The following ROBO1 variants were observed in gnomAD, a reference collection of about 807,000 sequenced individuals.
ROBO1 encodes roundabout guidance receptor 1, also known as roundabout homolog 1.
In ROBO1, 149 loss-of-function variants were observed where a neutral mutation model predicts 195.9. That is an observed-to-expected ratio of 0.76 (90% CI 0.67 to 0.87). ROBO1 has a LOEUF of 0.87. ROBO1 is among the 40% of genes least tolerant of loss of function. The pLI, the probability that ROBO1 is intolerant of heterozygous loss-of-function variation, is 0.00. For synonymous variants in ROBO1, 816 were observed against 733.2 expected (o/e 1.11, Z -1.82); for missense variants, 1,933 against 2,068.3 (o/e 0.93, Z 1.27).
intron 3 of ROBO1, among the ~76,000 whole-genome samples, chr3:79,090,025 C>A (rs2079448134): frequency 6.6e-6 from 1 of 151,666 alleles, no homozygotes. Flanking sequence ...CTGCAACCTC[C>A]ATCTCCCAGG....
chr3:79,040,706 C>G (rs537909853), intron 3 of ROBO1, among the ~76,000 whole-genome samples: 5 of 152,182 alleles, frequency 3.3e-5, no homozygotes, highest in African/African-American at 1.2e-4. Flanking sequence ...CACAAAACAC[C>G]CTAAAACTAC....
chr3:79,111,934 A>G (rs1332828110), intron 3 of ROBO1, among the ~76,000 whole-genome samples: 1 of 152,178 alleles, frequency 6.6e-6, no homozygotes, highest in Non-Finnish European at 1.5e-5. Flanking sequence ...CAAGCACTTG[A>G]CATGTGGCTA....
At chr3:79,151,799 C>T (rs866874735) in intron 2 of ROBO1, among the ~76,000 whole-genome samples, 12 of 151,852 alleles carry the variant, frequency 7.9e-5, no homozygotes, top group South Asian at 2.1e-4. Context: ...CTGCAAATAG[C>T]ATTCTCTTTT....
chr3:78,636,464 T>C (rs946884336), intron 22 of ROBO1, among the ~76,000 whole-genome samples: 6 of 152,132 alleles, frequency 3.9e-5, no homozygotes, highest in Non-Finnish European at 5.9e-5. Flanking sequence ...CTTTTTATTT[T>C]CTAGTCTTTG....
At chr3:78,666,040 T>G (rs990976431) in intron 14 of ROBO1, among the ~76,000 whole-genome samples, 1 of 152,098 alleles carries the variant, frequency 6.6e-6, no homozygotes, top group Non-Finnish European at 1.5e-5. Flanking sequence ...GCTGCTGTTC[T>G]CGTGATAGTG....
intron 2 of ROBO1, among the ~76,000 whole-genome samples, chr3:79,482,920 T>C (rs1938942311): frequency 6.6e-6 from 1 of 152,136 alleles, no homozygotes; most frequent in South Asian, 2.1e-4. Flanking sequence ...TAATAATTGT[T>C]CTAGCTATGC....
At chr3:78,604,403 G>T (rs1703352530) in intron 29 of ROBO1, among the ~76,000 whole-genome samples, 1 of 152,150 alleles carries the variant, frequency 6.6e-6, no homozygotes, top group Admixed American at 6.6e-5. Context: ...AGCAGGAATT[G>T]CTCCATACTT....
At chr3:79,489,651 CAAA>C (rs11328226) in intron 2 of ROBO1, among the ~76,000 whole-genome samples, 12 of 88,808 alleles carry the variant, frequency 1.4e-4, no homozygotes, top group Non-Finnish European at 1.7e-4. Context: ...GACTTCATCT[CAAA>C]AAAAAAAAAA....
intron 8 of ROBO1, among the ~76,000 whole-genome samples, chr3:78,692,614 A>G (rs560184940): frequency 6.6e-6 from 1 of 152,296 alleles, no homozygotes; most frequent in South Asian, 2.1e-4. Context: ...AGATTCTTTT[A>G]GGGACAAAGT....
At chr3:78,914,162 T>C (rs986463503) in intron 4 of ROBO1, among the ~76,000 whole-genome samples, 6 of 152,290 alleles carry the variant, frequency 3.9e-5, no homozygotes, top group African/African-American at 9.6e-5. Flanking sequence ...TCACTGACTA[T>C]ATAATATGCC....
rs534793885 is a variant in ROBO1, at chr3:78,787,246, A to G, written c.500-40346T>C. Reference sequence around the variant, plus strand: ...ACTGTTTAATTCAGTAATCTATAATAACACTAATCAGTAATTATATAGGCA... The same window carrying G: ...ACTGTTTAATTCAGTAATCTATAATGACACTAATCAGTAATTATATAGGCA... On this transcript the variant is annotated intron_variant, in intron 4 of 30. Transcript: ENST00000464233. Among the ~76,000 whole-genome samples, 37 of 152,346 alleles carry G rather than the reference A, an allele frequency of 2.4e-4. No individual in the cohort carries two copies. The South Asian group carries it at 6.6e-3, about 27-fold the overall frequency.
At chr3:78,656,957 T>C in intron 18 of ROBO1, 141 bp downstream of exon 18, 1 of 758,208 alleles carries the variant, frequency 1.3e-6, no homozygotes, top group East Asian at 2.8e-5. Flanking sequence ...TAAGTAAAGC[T>C]AACACCTTTT....
At chr3:78,711,344 CTTCCTCCT>C (rs1321142038) in intron 8 of ROBO1, among the ~76,000 whole-genome samples, 43 of 84,130 alleles carry the variant, frequency 5.1e-4, no homozygotes, top group African/African-American at 2.2e-3. Context: ...TCCTTCCTTC[CTTCCTCCT>C]TCCTTCCTTC....
At chr3:78,959,207 CT>C (rs1362386891) in intron 3 of ROBO1, among the ~76,000 whole-genome samples, 1 of 151,974 alleles carries the variant, frequency 6.6e-6, no homozygotes, top group Non-Finnish European at 1.5e-5. Flanking sequence ...TCAAATTGTC[CT>C]ATGATATAAA....
intron 2 of ROBO1, among the ~76,000 whole-genome samples, chr3:79,352,204 G>A (rs2035369370): frequency 6.6e-6 from 1 of 152,174 alleles, no homozygotes; most frequent in African/African-American, 2.4e-5. Context: ...GAAAGTCATG[G>A]AGGAAGGAAT....
chr3:79,548,766 T>C (rs558625322), intron 2 of ROBO1, among the ~76,000 whole-genome samples: 1 of 152,200 alleles, frequency 6.6e-6, no homozygotes, highest in Non-Finnish European at 1.5e-5. Flanking sequence ...TATGAGTTCT[T>C]GATGCTCTGG....
intron 3 of ROBO1, among the ~76,000 whole-genome samples, chr3:79,009,601 A>G (rs1294747214): frequency 6.6e-6 from 1 of 152,204 alleles, no homozygotes. Context: ...CTTCTGAAAG[A>G]GTATTGATTA....
At chr3:79,456,859 C>G (rs2039634181) in intron 2 of ROBO1, among the ~76,000 whole-genome samples, 1 of 152,076 alleles carries the variant, frequency 6.6e-6, no homozygotes, top group Admixed American at 6.6e-5. Flanking sequence ...ACCAAATTTG[C>G]CCCTAAATAC....
At chr3:79,582,234 A>G (rs1335783347) in intron 2 of ROBO1, among the ~76,000 whole-genome samples, 2 of 151,642 alleles carry the variant, frequency 1.3e-5, no homozygotes, top group African/African-American at 4.8e-5. Context: ...TTCCTTTTTC[A>G]TCTCTATGGT....
Sources: allele counts gnomAD v4.1 joint callset (sites outside exome capture counted in the v4.1 genomes callset), GRCh38; gene constraint gnomAD v4.1.1; transcripts MANE v1.5; gene names NCBI Gene and HGNC (gene_info 2026-07-23, HGNC 2026-07-21).